IL16: variants seen among roughly 807,000 people sequenced by gnomAD.
IL16 encodes pro-interleukin-16.
In IL16, 67 loss-of-function variants were observed where a neutral mutation model predicts 110.1. The observed-to-expected ratio is 0.61, with a 90% confidence interval of 0.50 to 0.75. The LOEUF (loss-of-function observed/expected upper bound fraction) is 0.75, where lower values mean the gene tolerates loss of function less well. Among genes scored for constraint, IL16 ranks in the 30% least tolerant of loss-of-function variants. IL16 has a pLI of 0.00. For synonymous variants in IL16, 689 were observed against 662.9 expected, an observed-to-expected ratio of 1.04 and a Z score of -0.61; for missense variants, 1,545 against 1,655.0, an observed-to-expected ratio of 0.93 and a Z score of 1.15.
chr15:81,215,846 G>T (rs1896408554), intron 1 of IL16, among the ~76,000 whole-genome samples: 1 of 152,140 alleles, frequency 6.6e-6, no homozygotes, highest in Non-Finnish European at 1.5e-5. Flanking sequence ...TGGCCCTGGG[G>T]CACCAGAACA....
chr15:81,273,954 T>G (rs11630050), intron 6 of IL16, among the ~76,000 whole-genome samples: 25,172 of 149,820 alleles, frequency 0.17, 2,342 homozygotes, highest in Middle Eastern at 0.23. Flanking sequence ...CTAAAGTCAT[T>G]CATGGATTAT....
chr15:81,234,714 C>T (rs920721173), intron 2 of IL16, among the ~76,000 whole-genome samples: 1 of 152,118 alleles, frequency 6.6e-6, no homozygotes, highest in Non-Finnish European at 1.5e-5. Context: ...TCGGTAAGAT[C>T]ACTTCCTTTC....
Position 81,299,507 on chromosome 15 carries a change from C to A in IL16, c.2181C>A (p.Pro727=). Residue 727 remains proline, a synonymous_variant, in exon 14 of 19, where the codon CCC becomes CCA. Transcript: ENST00000683961. ...ISDCIKNLFS[P]IMSENHGHMP... is the part of the protein sequence containing the mutation. The stretch of plus-strand genomic sequence containing the variant: ...ACTGCATCAAAAACTTATTTAGCCC[C>A]ATCATGAGTGAGAACCATGGCCACA... 6.2e-7 allele frequency: 1 copy of A among 1,614,176 alleles called. No individual in the cohort carries two copies. Among genetic ancestry groups the A allele is most frequent in the South Asian group, 1.1e-5 (1 of 91,076 alleles).
At chr15:81,209,496 G>A (rs1226301553) in intron 1 of IL16, among the ~76,000 whole-genome samples, 1 of 152,222 alleles carries the variant, frequency 6.6e-6, no homozygotes, top group African/African-American at 2.4e-5. Context: ...ACAACAGAGA[G>A]GGGCATTGTC....
chr15:81,196,026 G>C (rs1895588890), upstream of IL16, among the ~76,000 whole-genome samples: 1 of 152,112 alleles, frequency 6.6e-6, no homozygotes, highest in South Asian at 2.1e-4. Context: ...AAATCACCTG[G>C]AGGCTTTGTG....
At chr15:81,285,896 A>T in intron 10 of IL16, 66 bp downstream of exon 10, 2 of 1,529,372 alleles carry the variant, frequency 1.3e-6, no homozygotes, top group South Asian at 2.3e-5. Context: ...TTGGAACAAG[A>T]AATAGATGAA....
At chr15:81,308,207 G>T (rs991557928) in intron 18 of IL16, among the ~76,000 whole-genome samples, 4 of 152,192 alleles carry the variant, frequency 2.6e-5, no homozygotes, top group Non-Finnish European at 5.9e-5. Context: ...CAATGCTGAT[G>T]TCCTCACCAC....
At chr15:81,243,173 T>TTTTTTC (rs1897408202) in intron 2 of IL16, among the ~76,000 whole-genome samples, 1 of 54,778 alleles carries the variant, frequency 1.8e-5, no homozygotes, top group Admixed American at 1.8e-4. Context: ...ATTTTTTTTT[T>TTTTTTC]TTTTTTTTTT....
intron 9 of IL16, among the ~76,000 whole-genome samples, chr15:81,283,430 G>A (rs937881747): frequency 1.3e-5 from 2 of 152,068 alleles, no homozygotes; most frequent in African/African-American, 4.8e-5. Context: ...TCAAAGTGTG[G>A]TCTGGACCAG....
At chr15:81,272,980 C>T in intron 5 of IL16, 110 bp from the exon 6 acceptor site, 1 of 751,928 alleles carries the variant, frequency 1.3e-6, no homozygotes, top group Non-Finnish European at 2.3e-6. Context: ...GGCACCTTCT[C>T]TCCTTCCCAA....
At chr15:81,202,078 T>C (rs1165755195) in intron 1 of IL16, among the ~76,000 whole-genome samples, 3 of 152,252 alleles carry the variant, frequency 2.0e-5, no homozygotes, top group Admixed American at 6.5e-5. Context: ...TCCTACTTTA[T>C]ACATTTTATC....
intron 16 of IL16, among the ~76,000 whole-genome samples, chr15:81,305,140 G>A (rs1900486601): frequency 6.6e-6 from 1 of 152,210 alleles, no homozygotes; most frequent in Admixed American, 6.5e-5. Flanking sequence ...ATTTCTCTAT[G>A]AGAAAAGAAT....
intron 5 of IL16, among the ~76,000 whole-genome samples, chr15:81,271,535 C>T (rs1898641432): frequency 6.6e-6 from 1 of 152,046 alleles, no homozygotes; most frequent in Non-Finnish European, 1.5e-5. Context: ...TGGGAGGTTG[C>T]AGGACTCGTC....
At chr15:81,219,337 A>C (rs1896538695) in intron 1 of IL16, among the ~76,000 whole-genome samples, 1 of 152,174 alleles carries the variant, frequency 6.6e-6, no homozygotes, top group Non-Finnish European at 1.5e-5. Flanking sequence ...CCAGTCTTTC[A>C]AGAACAATGA....
chr15:81,193,684 A>G (rs1442214776), upstream of IL16, among the ~76,000 whole-genome samples: 1 of 152,014 alleles, frequency 6.6e-6, no homozygotes, highest in African/African-American at 2.4e-5. Context: ...AGAGGGGAAG[A>G]GAGCCGGGGA....
chr15:81,208,033 G>A (rs1221264043), intron 1 of IL16, among the ~76,000 whole-genome samples: 1 of 152,164 alleles, frequency 6.6e-6, no homozygotes, highest in East Asian at 1.9e-4. Context: ...AACCTCACCA[G>A]CATCTGTTGT....
Position 81,259,751 on chromosome 15 carries a change from AAGACGGCAATTGTTTTGC to A in IL16, c.313-18_313-1del. 1 of 1,561,628 alleles carries A rather than the reference AAGACGGCAATTGTTTTGC, an allele frequency of 6.4e-7. No homozygotes were observed. The highest frequency in any genetic ancestry group is 1.1e-5 in the South Asian group (1 of 89,922). ...TTTCTATTCTAACTTGCTGAATAAAAAGACGGCAATTGTTTTGCAGGAATCTTCCACAGCTTCCTCTCG... is the reference window on the plus strand; with the variant it reads ...TTTCTATTCTAACTTGCTGAATAAAAAGGAATCTTCCACAGCTTCCTCTCG... On this transcript the variant is annotated splice_polypyrimidine_tract_variant and splice_region_variant and intron_variant, in intron 2 of 18. Coordinates refer to ENST00000683961, the MANE Select transcript of IL16 (RefSeq NM_172217.5).
upstream of IL16, among the ~76,000 whole-genome samples, chr15:81,195,407 T>A (rs1195254786): frequency 6.6e-6 from 1 of 152,098 alleles, no homozygotes; most frequent in African/African-American, 2.4e-5. Flanking sequence ...TGAGAGAGAT[T>A]GTGGGTGTGA....
intron 4 of IL16, among the ~76,000 whole-genome samples, chr15:81,267,029 A>C (rs1209206252): frequency 1.3e-5 from 2 of 152,276 alleles, no homozygotes; most frequent in East Asian, 3.9e-4. Context: ...TGAGCTGAGA[A>C]CTTTCCCAGT....
Sources: allele counts gnomAD v4.1 joint callset (sites outside exome capture counted in the v4.1 genomes callset), GRCh38; gene constraint gnomAD v4.1.1; transcripts MANE v1.5; gene names NCBI Gene and HGNC (gene_info 2026-07-23, HGNC 2026-07-21).